CSMD1: variants seen among roughly 807,000 people sequenced by gnomAD.
CSMD1 encodes CUB and Sushi multiple domains 1.
In CSMD1, 213 loss-of-function variants were observed where a neutral mutation model predicts 417.5. The ratio of observed to expected loss-of-function variants is 0.51; its 90% CI spans 0.46 to 0.57. The LOEUF is 0.57. CSMD1 is among the 20% of genes least tolerant of loss of function. The pLI is 0.00. For missense variants in CSMD1, 6,923 were observed against 4,529.7 expected, an observed-to-expected ratio of 1.53 and a Z score of -15.17; for synonymous variants, 2,862 against 1,736.8, an observed-to-expected ratio of 1.65 and a Z score of -16.11.
chr8:3,637,265 T>C (rs759689543), intron 7 of CSMD1, among the ~76,000 whole-genome samples: 1 of 152,210 alleles, frequency 6.6e-6, no homozygotes, highest in Non-Finnish European at 1.5e-5. Context: ...AAAAACAGGT[T>C]GTCTCACTTG....
At chr8:3,260,758 A>C (rs1286952497) in intron 26 of CSMD1, among the ~76,000 whole-genome samples, 2 of 152,196 alleles carry the variant, frequency 1.3e-5, no homozygotes, top group African/African-American at 4.8e-5. Context: ...TCGACTTGAC[A>C]ACAGAAGCAC....
intron 31 of CSMD1, among the ~76,000 whole-genome samples, chr8:3,203,789 A>G (rs561608086): frequency 1.3e-5 from 2 of 152,300 alleles, no homozygotes; most frequent in East Asian, 3.9e-4. Flanking sequence ...CTTTTGGATG[A>G]GAATAGAGGA....
chr8:4,431,441 T>A (rs1797867743), intron 2 of CSMD1, among the ~76,000 whole-genome samples: 1 of 151,632 alleles, frequency 6.6e-6, no homozygotes, highest in Admixed American at 6.6e-5. Context: ...GGAGAGCGAG[T>A]GAGCACACAG....
intron 1 of CSMD1, among the ~76,000 whole-genome samples, chr8:4,829,854 G>A (rs1445597420): frequency 2.0e-5 from 3 of 152,160 alleles, no homozygotes; most frequent in Admixed American, 6.5e-5. Flanking sequence ...GGGACAAGGG[G>A]CTGGTCAGAG....
intron 1 of CSMD1, among the ~76,000 whole-genome samples, chr8:4,961,843 C>A (rs1203150914): frequency 2.0e-5 from 3 of 152,004 alleles, no homozygotes; most frequent in East Asian, 1.9e-4. Context: ...CTGTTGTCCA[C>A]GTCTTGATTT....
At chr8:3,605,242 G>A (rs997272095) in intron 8 of CSMD1, among the ~76,000 whole-genome samples, 3 of 152,094 alleles carry the variant, frequency 2.0e-5, no homozygotes, top group East Asian at 1.9e-4. Flanking sequence ...CACCCGCCTC[G>A]GCCTCCCACA....
chr8:3,448,707 G>C (rs373842688), intron 12 of CSMD1, among the ~76,000 whole-genome samples: 7 of 152,096 alleles, frequency 4.6e-5, no homozygotes, highest in Admixed American at 4.6e-4. Context: ...AGCATCGAGA[G>C]TCCTCTAGGC....
intron 3 of CSMD1, among the ~76,000 whole-genome samples, chr8:4,259,241 G>C (rs1406227815): frequency 1.3e-5 from 2 of 152,172 alleles, no homozygotes; most frequent in South Asian, 4.1e-4. Flanking sequence ...GCGGGACACA[G>C]ACAATCTTTT....
intron 5 of CSMD1, among the ~76,000 whole-genome samples, chr8:3,974,329 C>A (rs1391579629): frequency 1.3e-5 from 2 of 151,414 alleles, no homozygotes; most frequent in African/African-American, 2.4e-5. Flanking sequence ...GCCCCTTAAG[C>A]ACTGTTTGAG....
intron 5 of CSMD1, among the ~76,000 whole-genome samples, chr8:3,875,034 G>A (rs373392170): frequency 2.4e-4 from 37 of 152,212 alleles, no homozygotes; most frequent in East Asian, 7.8e-4. Flanking sequence ...ACAAAGGCTG[G>A]CATGAGCTGG....
chr8:3,561,212 G>A (rs193080069), intron 10 of CSMD1, among the ~76,000 whole-genome samples: 1 of 152,154 alleles, frequency 6.6e-6, no homozygotes, highest in African/African-American at 2.4e-5. Context: ...AGCCTCTATG[G>A]AAAACAGTAT....
At chr8:4,931,817 G>C (rs1365146303) in intron 1 of CSMD1, among the ~76,000 whole-genome samples, 1 of 152,166 alleles carries the variant, frequency 6.6e-6, no homozygotes, top group Non-Finnish European at 1.5e-5. Context: ...ATTTTAGCTT[G>C]TTAAGAGTTT....
intron 3 of CSMD1, among the ~76,000 whole-genome samples, chr8:4,037,060 G>A (rs1475405537): frequency 6.6e-6 from 1 of 152,098 alleles, no homozygotes; most frequent in Non-Finnish European, 1.5e-5. Flanking sequence ...GAGCTGCTGA[G>A]ACAGCTCTGG....
At chr8:4,207,435 T>C (rs1018015298) in intron 3 of CSMD1, among the ~76,000 whole-genome samples, 1 of 152,162 alleles carries the variant, frequency 6.6e-6, no homozygotes, top group Non-Finnish European at 1.5e-5. Context: ...CCAACTATTT[T>C]ACAGTCATTT....
In CSMD1 at chr8:3,399,516, T is replaced by C. The variant is rs544402145; in HGVS notation, c.2280A>G (p.Gly760=). Reference sequence around the variant, plus strand: ...TGACTCCGCTGGACGCTGTCAGATGTCCACCACATGGAGCTAAAACAAGAC... The same window carrying C: ...TGACTCCGCTGGACGCTGTCAGATGCCCACCACATGGAGCTAAAACAAGAC... ...TVPRCEAPCG[G]HLTASSGVIL... Residue 760 remains glycine (G), a synonymous_variant, in exon 16 of 70, where the codon GGA becomes GGG. Transcript: ENST00000635120. 46 of 1,597,030 alleles carry C rather than the reference T, an allele frequency of 2.9e-5. No homozygotes were observed. In the Admixed American group the frequency reaches 6.1e-4, roughly 21 times the overall value.
rs1372651423 is a variant in CSMD1, at chr8:3,118,555, G to C, written c.6274C>G (p.Pro2092Ala). Reference protein sequence around the residue: ...YELQNCPDPPPFQNGYMINSD... With the variant: ...YELQNCPDPPAFQNGYMINSD... Reference sequence around the variant, plus strand: ...TTGATCATGTACCCATTCTGAAATGGGGGTGGATCTGGACAGTTCTGTAAT... The same window carrying C: ...TTGATCATGTACCCATTCTGAAATGCGGGTGGATCTGGACAGTTCTGTAAT... Residue 2092 changes from proline (P) to alanine (A), a missense_variant, in exon 42 of 70, where the codon CCA becomes GCA. Transcript: ENST00000635120. 4.3e-6 allele frequency: 7 copies of C among 1,613,906 alleles called. No individual in the cohort carries two copies. The highest frequency in any genetic ancestry group is 1.1e-5 in the South Asian group (1 of 91,074).
chr8:3,561,766 A>C (rs745860337), intron 10 of CSMD1, among the ~76,000 whole-genome samples: 3 of 152,138 alleles, frequency 2.0e-5, no homozygotes, highest in African/African-American at 4.8e-5. Flanking sequence ...ACCCGCTTTA[A>C]AAAATTTAAC....
intron 2 of CSMD1, among the ~76,000 whole-genome samples, chr8:4,488,305 G>C (rs1038209011): frequency 6.6e-6 from 1 of 152,074 alleles, no homozygotes; most frequent in Non-Finnish European, 1.5e-5. Context: ...ATAACCACAG[G>C]AGTAGTTAAC....
At chr8:4,864,013 A>G (rs1286795223) in intron 1 of CSMD1, among the ~76,000 whole-genome samples, 1 of 152,066 alleles carries the variant, frequency 6.6e-6, no homozygotes. Flanking sequence ...ATATGGCAAT[A>G]TGCTTTACAT....
Sources: gnomAD v4.1 joint callset for allele counts (sites outside exome capture counted in the v4.1 genomes callset) on GRCh38, gnomAD v4.1.1 for gene constraint, MANE v1.5 for transcripts, NCBI Gene and HGNC (gene_info 2026-07-23, HGNC 2026-07-21) for gene names.